The following SLC35F1 variants were observed in gnomAD, a reference collection of about 807,000 sequenced individuals.
SLC35F1 encodes the protein solute carrier family 35 member F1.
SLC35F1 carries 14 observed loss-of-function variants against 48.7 expected under a neutral mutation model. The observed-to-expected ratio is 0.29, with a 90% CI of 0.19 to 0.45. The LOEUF (loss-of-function observed/expected upper bound fraction) is 0.45, where lower values mean the gene tolerates loss of function less well. SLC35F1 is among the 20% of genes least tolerant of loss of function. The probability of loss-of-function intolerance (pLI) is 1.00; values close to 1 mark genes in which losing one functional copy is unlikely to be tolerated. For missense variants in SLC35F1, 404 were observed against 500.0 expected (o/e 0.81, Z 1.83); for synonymous variants, 190 against 202.2 (o/e 0.94, Z 0.51).
chr6:118,170,824 AT>A (rs1466809007), intron 2 of SLC35F1, among the ~76,000 whole-genome samples: 2 of 152,202 alleles, frequency 1.3e-5, no homozygotes, highest in Non-Finnish European at 2.9e-5. Context: ...AAATATAAAC[AT>A]TTCAAATATA....
rs1173635939 is a variant in SLC35F1, at chr6:118,115,714, G to C, written c.174-38731G>C. Among the ~76,000 whole-genome samples the C allele has an allele frequency of 6.6e-5, 10 of 152,114 alleles. No individual in the cohort carries two copies. In the East Asian group the frequency reaches 1.9e-3, roughly 29 times the overall value. On this transcript the variant is annotated intron_variant, in intron 1 of 7. Coordinates refer to ENST00000360388, the MANE Select transcript of SLC35F1 (RefSeq NM_001029858.4). ...ACCCAGGTGCCACATAACTCTGGTA[G>C]CTTAATATGAAACTTGAACAAGTGA...
rs73527809 is a variant in SLC35F1, at chr6:118,245,991, G to A, written c.477+10355G>A. Among the ~76,000 whole-genome samples, 1,512 of 152,250 alleles carry A rather than the reference G, an allele frequency of 9.9e-3. 28 individuals are homozygous for A. Among genetic ancestry groups the A allele is most frequent in the African/African-American group, 0.035 (1,438 of 41,538 alleles). On this transcript the variant is annotated intron_variant, in intron 3 of 7. Transcript: ENST00000360388. Reference sequence around the variant, plus strand: ...TTGCACAATCAGTGGATGAGAGGGAGAGACAAGCTCTCCCTCCCTCTTTCT... The same window carrying A: ...TTGCACAATCAGTGGATGAGAGGGAAAGACAAGCTCTCCCTCCCTCTTTCT...
intron 4 of SLC35F1, among the ~76,000 whole-genome samples, chr6:118,270,614 G>C (rs894316478): frequency 1.3e-5 from 2 of 152,146 alleles, no homozygotes; most frequent in Non-Finnish European, 2.9e-5. Flanking sequence ...TCTTTTCCAA[G>C]CTTACTGGTA....
At chr6:117,990,449 A>G (rs1776903216) in intron 1 of SLC35F1, among the ~76,000 whole-genome samples, 2 of 152,206 alleles carry the variant, frequency 1.3e-5, no homozygotes, top group African/African-American at 4.8e-5. Context: ...CATGGAAGTT[A>G]CTAGGTAACT....
At chr6:117,926,951 G>A (rs933647211) in intron 1 of SLC35F1, among the ~76,000 whole-genome samples, 5 of 151,972 alleles carry the variant, frequency 3.3e-5, no homozygotes, top group African/African-American at 4.8e-5. Flanking sequence ...TTGAAACCAC[G>A]GGTTTTGATT....
At chr6:118,103,335 T>C (rs4260772) in intron 1 of SLC35F1, among the ~76,000 whole-genome samples, 136,558 of 152,124 alleles carry the variant, frequency 0.9, 62,062 homozygotes, top group Non-Finnish European at 0.97. Flanking sequence ...TTGTTACATA[T>C]GTATACATGT....
At chr6:118,165,293 C>G (rs1417144425) in intron 2 of SLC35F1, among the ~76,000 whole-genome samples, 1 of 152,210 alleles carries the variant, frequency 6.6e-6, no homozygotes, top group Non-Finnish European at 1.5e-5. Flanking sequence ...CACATTTCCT[C>G]TCTTCACCCC....
At chr6:118,034,743 T>C (rs1772103260) in intron 1 of SLC35F1, among the ~76,000 whole-genome samples, 1 of 152,126 alleles carries the variant, frequency 6.6e-6, no homozygotes, top group Non-Finnish European at 1.5e-5. Context: ...TTCCTTGAGA[T>C]CTTTCTTTAA....
At chr6:117,976,259 T>G (rs1345995691) in intron 1 of SLC35F1, among the ~76,000 whole-genome samples, 1 of 152,222 alleles carries the variant, frequency 6.6e-6, no homozygotes, top group Non-Finnish European at 1.5e-5. Context: ...TTCATGCCTA[T>G]AGTGGCAACA....
chr6:117,921,034 C>T (rs1189232214), intron 1 of SLC35F1, among the ~76,000 whole-genome samples: 4 of 146,348 alleles, frequency 2.7e-5, no homozygotes, highest in Admixed American at 2.1e-4. Flanking sequence ...TCTTTTTATG[C>T]TTTGCTCTAT....
intron 1 of SLC35F1, among the ~76,000 whole-genome samples, chr6:118,067,689 G>A (rs529548341): frequency 6.6e-6 from 1 of 152,336 alleles, no homozygotes; most frequent in Non-Finnish European, 1.5e-5. Context: ...TCAAGAGCAG[G>A]TGCAATTAAT....
intron 2 of SLC35F1, among the ~76,000 whole-genome samples, chr6:118,156,762 T>C (rs1285404856): frequency 7.9e-5 from 12 of 152,104 alleles, no homozygotes; most frequent in Admixed American, 7.2e-4. Flanking sequence ...TTCCAGCTTA[T>C]AGGTGGATTT....
intron 1 of SLC35F1, among the ~76,000 whole-genome samples, chr6:118,031,993 A>C (rs1284279165): frequency 6.6e-6 from 1 of 152,144 alleles, no homozygotes; most frequent in Non-Finnish European, 1.5e-5. Context: ...TCTGGAGTTG[A>C]GTCCTGCCTC....
intron 1 of SLC35F1, among the ~76,000 whole-genome samples, chr6:117,925,421 G>C (rs937586117): frequency 6.6e-6 from 1 of 152,174 alleles, no homozygotes; most frequent in Non-Finnish European, 1.5e-5. Flanking sequence ...TAATGCTAAG[G>C]ACAGCAGAGT....
chr6:118,172,101 GCATCATGTAA>G (rs996479030), intron 2 of SLC35F1, among the ~76,000 whole-genome samples: 4 of 151,872 alleles, frequency 2.6e-5, no homozygotes, highest in African/African-American at 9.7e-5. Context: ...ATCCTTCAGG[GCATCATGTAA>G]GCCAGAGTAC....
chr6:118,012,963 C>T (rs1777270137), intron 1 of SLC35F1, among the ~76,000 whole-genome samples: 1 of 151,964 alleles, frequency 6.6e-6, no homozygotes, highest in South Asian at 2.1e-4. Flanking sequence ...CAGCAGTAAT[C>T]ATGAAAGTAG....
chr6:118,175,828 G>A (rs959416761), intron 2 of SLC35F1, among the ~76,000 whole-genome samples: 1 of 152,098 alleles, frequency 6.6e-6, no homozygotes, highest in African/African-American at 2.4e-5. Flanking sequence ...TGCTCCACTT[G>A]AGAAAGTATC....
intron 1 of SLC35F1, among the ~76,000 whole-genome samples, chr6:118,137,335 A>G (rs1228871258): frequency 6.6e-6 from 1 of 152,236 alleles, no homozygotes; most frequent in African/African-American, 2.4e-5. Context: ...GAACCAAAAT[A>G]GAAATAAACT....
chr6:117,996,930 CTT>C (rs1365160245), intron 1 of SLC35F1, among the ~76,000 whole-genome samples: 13 of 152,212 alleles, frequency 8.5e-5, no homozygotes, highest in African/African-American at 3.1e-4. Flanking sequence ...CGGAGAATGA[CTT>C]TGACGAGTTG....
Sources: allele counts gnomAD v4.1 joint callset (sites outside exome capture counted in the v4.1 genomes callset), GRCh38; gene constraint gnomAD v4.1.1; transcripts MANE v1.5; gene names NCBI Gene and HGNC (gene_info 2026-07-23, HGNC 2026-07-21).